ABTB3: variants seen among roughly 807,000 people sequenced by gnomAD.
ABTB3 encodes the protein ankyrin repeat and BTB domain containing 3, also known as ankyrin repeat- and BTB/POZ domain-containing protein 3.
chr12:107,504,377 G>A, the ABTB3 span, among the ~76,000 whole-genome samples: 5 of 151,354 alleles, frequency 3.3e-5, no homozygotes, highest in African/African-American at 1.2e-4. Context: ...CTCCATGCCC[G>A]TAAACACACA....
chr12:107,392,566 C>T, the ABTB3 span, among the ~76,000 whole-genome samples: 3 of 152,198 alleles, frequency 2.0e-5, no homozygotes, highest in Non-Finnish European at 2.9e-5. Context: ...GTGGGACCCT[C>T]TCTTTGCCAG....
chr12:107,640,439 G>A, the ABTB3 span: 3 of 1,402,932 alleles, frequency 2.1e-6, no homozygotes, highest in Non-Finnish European at 3.0e-6. Flanking sequence ...TTTGAAAGCA[G>A]CTGCATTATG....
At chr12:107,647,955 A>T in the ABTB3 span, among the ~76,000 whole-genome samples, 1 of 152,194 alleles carries the variant, frequency 6.6e-6, no homozygotes, top group Non-Finnish European at 1.5e-5. Flanking sequence ...GACTGAAGGG[A>T]CCATTGAGGA....
the ABTB3 span, among the ~76,000 whole-genome samples, chr12:107,564,710 A>G: frequency 5.9e-5 from 9 of 152,242 alleles, no homozygotes; most frequent in Admixed American, 5.2e-4. Flanking sequence ...ACGGGATGGA[A>G]CCAGTAAGGA....
chr12:107,593,572 A>G, the ABTB3 span, among the ~76,000 whole-genome samples: 3 of 152,244 alleles, frequency 2.0e-5, no homozygotes, highest in African/African-American at 7.2e-5. Context: ...ACTTCACTGA[A>G]GTACTTCACT....
At chr12:107,586,654 T>C in the ABTB3 span, among the ~76,000 whole-genome samples, 5 of 151,782 alleles carry the variant, frequency 3.3e-5, no homozygotes, top group Non-Finnish European at 7.4e-5. Context: ...CCCTGGGGAG[T>C]TGCTTTGGGG....
chr12:107,335,799 G>A, the ABTB3 span, among the ~76,000 whole-genome samples: 7 of 152,262 alleles, frequency 4.6e-5, no homozygotes, highest in East Asian at 1.4e-3. Flanking sequence ...GGGCCAGGAG[G>A]GGAGGGAAAG....
chr12:107,643,534 C>T, the ABTB3 span, among the ~76,000 whole-genome samples: 2 of 151,778 alleles, frequency 1.3e-5, no homozygotes, highest in Non-Finnish European at 2.9e-5. Flanking sequence ...ATACTCCAGA[C>T]ATCCAAGTGC....
chr12:107,481,024 CGATGACTGGT>C, the ABTB3 span, among the ~76,000 whole-genome samples: 29 of 152,236 alleles, frequency 1.9e-4, no homozygotes, highest in East Asian at 5.6e-3. Context: ...CAGTGGTTCT[CGATGACTGGT>C]GATTTTGCTC....
the ABTB3 span, among the ~76,000 whole-genome samples, chr12:107,352,601 G>C: frequency 6.6e-6 from 1 of 152,184 alleles, no homozygotes; most frequent in Non-Finnish European, 1.5e-5. Flanking sequence ...CCCCAGTGCA[G>C]AGCCTGGGGC....
chr12:107,515,281 A>G, the ABTB3 span, among the ~76,000 whole-genome samples: 3 of 152,216 alleles, frequency 2.0e-5, no homozygotes, highest in African/African-American at 7.2e-5. Flanking sequence ...CTTGCTGCAA[A>G]TAGTGCAAAT....
chr12:107,532,807 C>T, the ABTB3 span, among the ~76,000 whole-genome samples: 1 of 152,016 alleles, frequency 6.6e-6, no homozygotes, highest in Non-Finnish European at 1.5e-5. Flanking sequence ...GAATTCCCAT[C>T]AAACTAGAAA....
the ABTB3 span, chr12:107,640,239 T>A: frequency 1.1e-6 from 1 of 901,802 alleles, no homozygotes; most frequent in Non-Finnish European, 1.7e-6. Context: ...TTATTTGCAC[T>A]TTCTACAAGA....
the ABTB3 span, chr12:107,609,992 G>A: frequency 1.5e-5 from 9 of 619,076 alleles, no homozygotes; most frequent in Non-Finnish European, 2.0e-5. Context: ...GAGCACACAG[G>A]AGACTAGACA....
chr12:107,373,772 G>A, the ABTB3 span, among the ~76,000 whole-genome samples: 1 of 152,212 alleles, frequency 6.6e-6, no homozygotes, highest in Non-Finnish European at 1.5e-5. Context: ...GTGGGACCCG[G>A]CACTTTCTCT....
the ABTB3 span, chr12:107,651,743 A>C: frequency 1.2e-6 from 2 of 1,614,176 alleles, no homozygotes; most frequent in South Asian, 2.2e-5. Flanking sequence ...CTGTGCGAAA[A>C]GCATCAATAC....
the ABTB3 span, among the ~76,000 whole-genome samples, chr12:107,512,764 A>C: frequency 1.3e-5 from 2 of 152,236 alleles, no homozygotes; most frequent in Non-Finnish European, 2.9e-5. Context: ...GTTTTATTGC[A>C]TTCCCTATAA....
chr12:107,377,279 A>G, the ABTB3 span, among the ~76,000 whole-genome samples: 1 of 152,094 alleles, frequency 6.6e-6, no homozygotes, highest in Non-Finnish European at 1.5e-5. Flanking sequence ...CACCCACCAG[A>G]ATGGCCTGAG....
chr12:107,654,813 T>TACACACACACACACACAC, the ABTB3 span, among the ~76,000 whole-genome samples: 1 of 95,992 alleles, frequency 1.0e-5, no homozygotes, highest in African/African-American at 5.5e-5. Context: ...GTCTACATTG[T>TACACACACACACACACAC]ATACACACAC....
Sources: allele counts gnomAD v4.1 joint callset (sites outside exome capture counted in the v4.1 genomes callset), GRCh38; gene constraint gnomAD v4.1.1; transcripts MANE v1.5; gene names NCBI Gene and HGNC (gene_info 2026-07-23, HGNC 2026-07-21).